Variants in CA8 observed in about 807,000 individuals in gnomAD.
CA8 encodes carbonic anhydrase-related protein.
Under a neutral mutation model 41.4 loss-of-function variants are expected in CA8, and 22 were observed. That is an observed-to-expected ratio of 0.53 (90% CI 0.38 to 0.76). The LOEUF (loss-of-function observed/expected upper bound fraction) is 0.76. Among genes scored for constraint, CA8 ranks in the 30% least tolerant of loss-of-function variants. CA8 has a pLI of 0.00. For synonymous variants in CA8, 121 were observed against 130.6 expected, an observed-to-expected ratio of 0.93 and a Z score of 0.50; for missense variants, 270 against 352.8, an observed-to-expected ratio of 0.77 and a Z score of 1.88.
In CA8 at chr8:60,208,821, A is replaced by C. The variant is rs1433327991; in HGVS notation, c.837T>G (p.Pro279=). 3 of 1,614,170 alleles carry C rather than the reference A, an allele frequency of 1.9e-6. No homozygotes were observed. Among genetic ancestry groups the C allele is most frequent in the Non-Finnish European group, 2.5e-6 (3 of 1,180,032 alleles). ...CAGCTCTAATGACTCTGTCACTAAG[A>C]GGCTGAGTGGGCCGAAAGTTGTCTC... is the stretch of plus-strand genomic sequence containing the variant. ...ILGDNFRPTQ[P]LSDRVIRAAF... Residue 279 remains proline, a synonymous_variant, in exon 8 of 9, where the codon CCT becomes CCG. Coordinates refer to ENST00000317995, the MANE Select transcript of CA8 (RefSeq NM_004056.6).
At chr8:60,257,973 T>C (rs1803605253) in intron 3 of CA8, among the ~76,000 whole-genome samples, 1 of 152,210 alleles carries the variant, frequency 6.6e-6, no homozygotes, top group South Asian at 2.1e-4. Flanking sequence ...TTAACTCTGG[T>C]CCAAAAATAT....
At chr8:60,245,000 C>CA (rs965429510) in intron 3 of CA8, among the ~76,000 whole-genome samples, 2 of 152,194 alleles carry the variant, frequency 1.3e-5, no homozygotes, top group African/African-American at 4.8e-5. Context: ...AGCTAAAAAA[C>CA]AGACATAACA....
At chr8:60,243,798 C>T (rs9643518) in intron 3 of CA8, among the ~76,000 whole-genome samples, 1 of 152,146 alleles carries the variant, frequency 6.6e-6, no homozygotes, top group Admixed American at 6.5e-5. Flanking sequence ...TCTTCTTCAA[C>T]AGCAGTTCCA....
At chr8:60,268,798 A>G (rs891560231) in intron 2 of CA8, among the ~76,000 whole-genome samples, 6 of 152,166 alleles carry the variant, frequency 3.9e-5, no homozygotes, top group Non-Finnish European at 8.8e-5. Flanking sequence ...TATCAAGATC[A>G]TATTTTTTCT....
At chr8:60,271,547 T>A (rs1198836348) in intron 2 of CA8, among the ~76,000 whole-genome samples, 2 of 152,170 alleles carry the variant, frequency 1.3e-5, no homozygotes, top group East Asian at 3.8e-4. Context: ...GGATTAATAA[T>A]CATCATCATC....
At chr8:60,213,925 T>C (rs970476631) in intron 7 of CA8, among the ~76,000 whole-genome samples, 2 of 152,174 alleles carry the variant, frequency 1.3e-5, no homozygotes, top group African/African-American at 4.8e-5. Flanking sequence ...TAAAGACGAA[T>C]GCAGGTACAT....
At chr8:60,243,304 A>C (rs1453530739) in intron 3 of CA8, among the ~76,000 whole-genome samples, 1 of 151,778 alleles carries the variant, frequency 6.6e-6, no homozygotes, top group Non-Finnish European at 1.5e-5. Flanking sequence ...CCAGGAGTAA[A>C]CATCTGCTCC....
chr8:60,245,492 C>G lies in CA8; in HGVS notation c.418-13113G>C, dbSNP rs549532660. 9.2e-5 allele frequency among the ~76,000 whole-genome samples: 14 copies of G among 152,318 alleles called. No individual in the cohort carries two copies. In the South Asian group the frequency reaches 2.9e-3, roughly 32 times the overall value. On this transcript the variant is annotated intron_variant, in intron 3 of 8. Transcript: ENST00000317995. Reference sequence around the variant, plus strand: ...CAAGGGAGTTGCACAAAGAACCATTCTTTAGCAAACTCATCATAAACCACA... The same window carrying G: ...CAAGGGAGTTGCACAAAGAACCATTGTTTAGCAAACTCATCATAAACCACA...
At chr8:60,261,207 G>C (rs1440371643) in intron 3 of CA8, among the ~76,000 whole-genome samples, 1 of 152,094 alleles carries the variant, frequency 6.6e-6, no homozygotes, top group African/African-American at 2.4e-5. Context: ...TTGCAACCAA[G>C]GCCTGGACTC....
chr8:60,272,872 G>A (rs543912628), intron 2 of CA8, among the ~76,000 whole-genome samples: 13 of 152,328 alleles, frequency 8.5e-5, no homozygotes, highest in South Asian at 2.1e-4. Context: ...CAATGAACAC[G>A]TATGTTTAGT....
At chr8:60,277,474 G>A (rs1347047504) in intron 2 of CA8, among the ~76,000 whole-genome samples, 2 of 151,600 alleles carry the variant, frequency 1.3e-5, no homozygotes, top group African/African-American at 4.9e-5. Flanking sequence ...CTGCCTCAAC[G>A]CCCCAAGTAG....
intron 8 of CA8, among the ~76,000 whole-genome samples, chr8:60,203,796 G>T (rs1430463220): frequency 6.6e-6 from 1 of 151,820 alleles, no homozygotes; most frequent in Non-Finnish European, 1.5e-5. Flanking sequence ...TTTTCAGTTG[G>T]AGACTTACTA....
chr8:60,268,193 C>T (rs995327467), intron 2 of CA8, among the ~76,000 whole-genome samples: 3 of 152,148 alleles, frequency 2.0e-5, no homozygotes, highest in South Asian at 2.1e-4. Flanking sequence ...CTCAGCTCCA[C>T]GTGGCTAAGG....
intron 3 of CA8, among the ~76,000 whole-genome samples, chr8:60,232,940 G>A (rs13262241): frequency 0.28 from 43,060 of 152,074 alleles, 7,619 homozygotes; most frequent in Admixed American, 0.4. Context: ...TCTAAAAGAA[G>A]GCGATTTCCT....
intron 3 of CA8, among the ~76,000 whole-genome samples, chr8:60,263,803 TA>T (rs1443486371): frequency 6.6e-6 from 1 of 152,188 alleles, no homozygotes; most frequent in East Asian, 1.9e-4. Flanking sequence ...TCCACAAAAA[TA>T]TATCAATAAA....
At chr8:60,230,550 A>AC (rs946400672) in intron 4 of CA8, among the ~76,000 whole-genome samples, 14 of 148,484 alleles carry the variant, frequency 9.4e-5, no homozygotes, top group Non-Finnish European at 1.3e-4. Context: ...TGAGGACCCG[A>AC]CCCCCCCGAT....
intron 8 of CA8, among the ~76,000 whole-genome samples, chr8:60,195,555 T>C (rs1338012395): frequency 6.6e-6 from 1 of 152,178 alleles, no homozygotes; most frequent in African/African-American, 2.4e-5. Flanking sequence ...AACAGCAATA[T>C]GCTAGAAATA....
At chr8:60,193,022 C>T (rs1806180850) in intron 8 of CA8, among the ~76,000 whole-genome samples, 1 of 151,486 alleles carries the variant, frequency 6.6e-6, no homozygotes, top group South Asian at 2.1e-4. Context: ...CCCCATCCTC[C>T]AAATATGGCT....
intron 3 of CA8, among the ~76,000 whole-genome samples, chr8:60,245,772 A>G (rs1563366512): frequency 1.3e-5 from 2 of 152,192 alleles, no homozygotes; most frequent in South Asian, 4.1e-4. Context: ...AAAAAGGTCA[A>G]TTAGGAACAG....
Sources: gnomAD v4.1 joint callset for allele counts (sites outside exome capture counted in the v4.1 genomes callset) on GRCh38, gnomAD v4.1.1 for gene constraint, MANE v1.5 for transcripts, NCBI Gene and HGNC (gene_info 2026-07-23, HGNC 2026-07-21) for gene names.